Variants in CELF2 observed in about 807,000 individuals in gnomAD.
CELF2 encodes CUG triplet repeat RNA-binding protein 2.
Under a neutral mutation model 62.6 loss-of-function variants are expected in CELF2, and 8 were observed. The observed-to-expected ratio is 0.13, with a 90% CI of 0.07 to 0.23. CELF2 has a LOEUF of 0.23. Ranked by LOEUF, CELF2 falls within the 10% of genes least tolerant of loss-of-function variation. The probability of loss-of-function intolerance (pLI) is 1.00; values close to 1 mark genes in which losing one functional copy is unlikely to be tolerated. For synonymous variants in CELF2, 258 were observed against 250.0 expected (o/e 1.03, Z -0.30); for missense variants, 333 against 671.0 (o/e 0.50, Z 5.56).
the CELF2 span, among the ~76,000 whole-genome samples, chr10:10,690,481 T>C: frequency 6.6e-6 from 1 of 152,102 alleles, no homozygotes; most frequent in Non-Finnish European, 1.5e-5. Context: ...AAAATAAAAG[T>C]ACAGAATGAA....
At chr10:11,088,801 G>A (rs906915104) in intron 1 of CELF2, among the ~76,000 whole-genome samples, 7 of 152,218 alleles carry the variant, frequency 4.6e-5, no homozygotes, top group South Asian at 2.1e-4. Context: ...CAATGTCTGG[G>A]AGCCTCAGCT....
At position 11,165,677 on chromosome 10, in the gene CELF2, G is replaced by C; in HGVS notation, c.266G>C (p.Ser89Thr). 6.2e-7 allele frequency: 1 copy of C among 1,612,622 alleles called. No homozygotes were observed. The highest frequency in any genetic ancestry group is 8.5e-7 in the Non-Finnish European group (1 of 1,179,290). Residue 89 changes from serine (S) to threonine (T), a missense_variant, in exon 2 of 13, where the codon AGT (serine) becomes ACT (threonine). Ser to Thr is a moderately conservative substitution (Grantham distance 58). This residue lies in a region of CELF2 where 253 missense variants were observed against 503.0 expected (regional missense o/e 0.50). Coordinates refer to ENST00000633077, the MANE Select transcript of CELF2 (RefSeq NM_001326342.2). This position sits in a 1 kb window ranked among gnomAD's most constrained non-coding sequence, Gnocchi z 7.4. ...LRDRSQNPPQ[S>T]KGCCFVTFYT... is the part of the protein sequence containing the mutation. ...GACCGGAGTCAGAACCCTCCGCAGA[G>C]TAAAGGTACAGAGCGCGGGGCGGGG...
chr10:10,985,143 G>T (rs1300942223), intron 2 of CELF2, among the ~76,000 whole-genome samples: 1 of 152,074 alleles, frequency 6.6e-6, no homozygotes, highest in Non-Finnish European at 1.5e-5. Context: ...GTAATTGCAT[G>T]CCATTTCAAG....
chr10:10,639,659 C>T, the CELF2 span, among the ~76,000 whole-genome samples: 502 of 152,306 alleles, frequency 3.3e-3, 4 homozygotes, highest in African/African-American at 0.012. Context: ...TGGGAAGTCC[C>T]TGATCAATAT....
rs1271017170 is a variant in CELF2 at position 10,972,492 on chromosome 10, TCTC to T, written c.89+52496_89+52498del. 6.6e-6 allele frequency among the ~76,000 whole-genome samples: 1 copy of T among 152,154 alleles called. No individual in the cohort carries two copies. Among genetic ancestry groups the T allele is most frequent in the Non-Finnish European group, 1.5e-5 (1 of 68,018 alleles). Reference sequence around the variant, plus strand: ...CTCCCCCTACATCTGTCCTTGTAATTCTCCTTTCTCTTGGTATTTCTCAGCTTT... The same window carrying T: ...CTCCCCCTACATCTGTCCTTGTAATTCTTTCTCTTGGTATTTCTCAGCTTT... On this transcript the variant is annotated intron_variant, in intron 2 of 13. Transcript: ENST00000636488. This position sits in a 1 kb window ranked among gnomAD's most constrained non-coding sequence, Gnocchi z 4.4.
Position 11,319,121 on chromosome 10 carries a change from C to T in CELF2, c.1097-2068C>T, listed in dbSNP as rs530374587. On this transcript the variant is annotated intron_variant, in intron 10 of 12. Transcript: ENST00000633077. The surrounding 1 kb of genome is among the most constrained non-coding windows in gnomAD (Gnocchi z 4.4). ...GAGCGGCGAGTCGCCGCTCCTCTCC[C>T]GCCAGAATTTCCTCCACACGGGCAT... 211 of 470,210 alleles carry T rather than the reference C, an allele frequency of 4.5e-4. No individual in the cohort carries two copies. The highest frequency in any genetic ancestry group is 6.8e-4 in the Non-Finnish European group (155 of 227,026). The allele number at this position is 470,210 out of a possible 1,614,324, so 29.1% of individuals were successfully genotyped here. A position where few individuals can be genotyped will look rare whatever the true frequency, so the allele number is the denominator to read the frequency against.
At chr10:10,695,768 T>C in the CELF2 span, among the ~76,000 whole-genome samples, 15 of 152,280 alleles carry the variant, frequency 9.9e-5, no homozygotes, top group South Asian at 2.1e-4. Flanking sequence ...CTTCTTCCAT[T>C]GCTGATACCC....
upstream of CELF2, among the ~76,000 whole-genome samples, chr10:11,016,259 C>T (rs2057239826): frequency 6.6e-6 from 1 of 152,168 alleles, no homozygotes; most frequent in Non-Finnish European, 1.5e-5. This position sits in a 1 kb window ranked among gnomAD's most constrained non-coding sequence, Gnocchi z 5.2. Context: ...ACAAGTTTGG[C>T]CCTTTGGGAG....
intron 1 of CELF2, among the ~76,000 whole-genome samples, chr10:10,896,270 G>T (rs2062547981): frequency 6.6e-6 from 1 of 152,104 alleles, no homozygotes; most frequent in Admixed American, 6.6e-5. Context: ...GAAGGGTCTT[G>T]CCTCCACAAT....
In CELF2 at chr10:11,306,673, A is replaced by G. The variant is rs1263262334; in HGVS notation, c.977-7466A>G. ...AGTATTGTCTGATGATGTAGAGTGC[A>G]CAGGGAGTCTTTCCACTTTAAGGCA... On this transcript the variant is annotated intron_variant, in intron 9 of 12. Transcript: ENST00000633077. This position sits in a 1 kb window ranked among gnomAD's most constrained non-coding sequence, Gnocchi z 4.4. Among the ~76,000 whole-genome samples, 5 of 152,176 alleles carry G rather than the reference A, an allele frequency of 3.3e-5. No individual in the cohort carries two copies. The East Asian group carries it at 9.6e-4, about 29-fold the overall frequency.
At chr10:10,784,761 C>A in the CELF2 span, 1 of 152,224 alleles carries the variant, frequency 6.6e-6, no homozygotes, top group Non-Finnish European at 1.5e-5. Flanking sequence ...AACAGGAATA[C>A]CTGTTCCCAT....
the CELF2 span, among the ~76,000 whole-genome samples, chr10:10,618,641 C>A: frequency 6.6e-6 from 1 of 152,086 alleles, no homozygotes; most frequent in African/African-American, 2.4e-5. Context: ...ACAGGAACTG[C>A]GCCTTGTCTG....
At chr10:11,179,598 T>G (rs1454947618) in intron 2 of CELF2, among the ~76,000 whole-genome samples, 3 of 152,196 alleles carry the variant, frequency 2.0e-5, no homozygotes, top group Admixed American at 6.5e-5. Flanking sequence ...TCTTAGGACA[T>G]GTGTTGAGAA....
chr10:10,795,244 T>TC (rs1352485199), upstream of CELF2, among the ~76,000 whole-genome samples: 1 of 151,874 alleles, frequency 6.6e-6, no homozygotes, highest in Non-Finnish European at 1.5e-5. Context: ...TTCAACTTTT[T>TC]TTTTTTTTTT....
intron 1 of CELF2, among the ~76,000 whole-genome samples, chr10:10,864,977 A>G (rs574581201): frequency 4.7e-4 from 72 of 152,306 alleles, no homozygotes; most frequent in African/African-American, 1.6e-3. Flanking sequence ...GTATTTTCAA[A>G]ATCTTGTGGT....
At chr10:10,836,663 A>G (rs2058312793) in intron 1 of CELF2, among the ~76,000 whole-genome samples, 1 of 151,916 alleles carries the variant, frequency 6.6e-6, no homozygotes, top group African/African-American at 2.4e-5. Flanking sequence ...TTTTTTTGAG[A>G]TGGAGTCTCT....
chr10:10,955,372 A>T (rs903736864), intron 2 of CELF2, among the ~76,000 whole-genome samples: 1 of 152,252 alleles, frequency 6.6e-6, no homozygotes, highest in Non-Finnish European at 1.5e-5. Flanking sequence ...CTAGCTGTGC[A>T]TCAGGGACTT....
intron 1 of CELF2, among the ~76,000 whole-genome samples, chr10:11,114,167 G>A (rs1163517245): frequency 6.6e-6 from 1 of 152,024 alleles, no homozygotes; most frequent in Non-Finnish European, 1.5e-5. Context: ...AGTTCTTGTT[G>A]GTCTCTCTCA....
the CELF2 span, among the ~76,000 whole-genome samples, chr10:10,588,322 G>T: frequency 6.6e-6 from 1 of 152,198 alleles, no homozygotes; most frequent in Non-Finnish European, 1.5e-5. Context: ...ACAAGCAGGT[G>T]AATGAGACCA....
Sources: gnomAD v4.1 joint callset for allele counts (sites outside exome capture counted in the v4.1 genomes callset) on GRCh38, gnomAD v4.1.1 for gene constraint, gnomAD v4.1.1 regional missense constraint, Gnocchi (gnomAD v3.1) non-coding constraint, MANE v1.5 for transcripts, NCBI Gene and HGNC (gene_info 2026-07-23, HGNC 2026-07-21) for gene names.